The following CAMKMT variants were observed in gnomAD, a reference collection of about 807,000 sequenced individuals.
CAMKMT encodes CaM KMT.
A neutral mutation model predicts 48.0 loss-of-function variants in CAMKMT; 53 were observed. The observed-to-expected ratio is 1.10, with a 90% CI of 0.89 to 1.39. CAMKMT has a LOEUF of 1.39. CAMKMT is among the 40% of genes most tolerant of loss of function. The pLI is 0.00. For missense variants in CAMKMT, 428 were observed against 402.7 expected, an observed-to-expected ratio of 1.06 and a Z score of -0.54; for synonymous variants, 165 against 152.3, an observed-to-expected ratio of 1.08 and a Z score of -0.61.
chr2:44,559,720 A>C (rs988111624), intron 3 of CAMKMT, among the ~76,000 whole-genome samples: 8 of 152,186 alleles, frequency 5.3e-5, no homozygotes, highest in African/African-American at 1.9e-4. Flanking sequence ...GAAAGAGTCT[A>C]GCTCAATGCC....
chr2:44,575,508 T>C (rs1669167971), intron 3 of CAMKMT, among the ~76,000 whole-genome samples: 1 of 152,232 alleles, frequency 6.6e-6, no homozygotes, highest in Non-Finnish European at 1.5e-5. Context: ...TTTTTTTCTG[T>C]ATGGCTTTAC....
chr2:44,382,765 C>T (rs1005945637), intron 2 of CAMKMT, among the ~76,000 whole-genome samples: 13 of 152,224 alleles, frequency 8.5e-5, no homozygotes, highest in Non-Finnish European at 1.6e-4. Flanking sequence ...AGGCGTGAGC[C>T]ACCACGCCCG....
chr2:44,607,613 G>A (rs1227410927), intron 3 of CAMKMT, among the ~76,000 whole-genome samples: 1 of 152,098 alleles, frequency 6.6e-6, no homozygotes, highest in Non-Finnish European at 1.5e-5. Flanking sequence ...GTGAAATATG[G>A]TGTTTTATGT....
intron 3 of CAMKMT, among the ~76,000 whole-genome samples, chr2:44,391,047 G>C (rs1681287504): frequency 6.6e-6 from 1 of 152,068 alleles, no homozygotes; most frequent in South Asian, 2.1e-4. Context: ...AATGAAATAT[G>C]AGCATTTTAA....
intron 3 of CAMKMT, among the ~76,000 whole-genome samples, chr2:44,531,268 C>T (rs998186176): frequency 3.9e-5 from 6 of 151,990 alleles, no homozygotes; most frequent in South Asian, 2.1e-4. Context: ...TCTAATACAC[C>T]AGGGTCACAT....
At chr2:44,702,740 C>T (rs1461467679) in intron 3 of CAMKMT, among the ~76,000 whole-genome samples, 1 of 152,188 alleles carries the variant, frequency 6.6e-6, no homozygotes, top group African/African-American at 2.4e-5. Context: ...AGCTGTCATT[C>T]CTACCAGAAA....
intron 3 of CAMKMT, among the ~76,000 whole-genome samples, chr2:44,562,602 C>G (rs147070943): frequency 4.0e-4 from 61 of 152,258 alleles, no homozygotes; most frequent in African/African-American, 1.4e-3. Flanking sequence ...ACTCTGTCAC[C>G]TAGGCTGGAG....
At chr2:44,588,302 GA>G (rs1330895477) in intron 3 of CAMKMT, among the ~76,000 whole-genome samples, 1,681 of 62,388 alleles carry the variant, frequency 0.027, 130 homozygotes, top group East Asian at 0.2. Context: ...GTCCGGGAGG[GA>G]GGGGGGGGGT....
chr2:44,648,845 T>G (rs1333396097), intron 3 of CAMKMT, among the ~76,000 whole-genome samples: 1 of 152,114 alleles, frequency 6.6e-6, no homozygotes, highest in African/African-American at 2.4e-5. Context: ...AAATATACAA[T>G]CTAAGTAAAA....
intron 3 of CAMKMT, among the ~76,000 whole-genome samples, chr2:44,410,029 G>A (rs1216112922): frequency 6.6e-6 from 1 of 151,816 alleles, no homozygotes; most frequent in East Asian, 1.9e-4. Flanking sequence ...GTATAGAGAA[G>A]AGCTGAGAGC....
chr2:44,414,293 A>G (rs755008192), intron 3 of CAMKMT, among the ~76,000 whole-genome samples: 4 of 152,196 alleles, frequency 2.6e-5, no homozygotes, highest in Admixed American at 6.5e-5. Context: ...AAAGTTCCTG[A>G]AGATCAGGAA....
intron 3 of CAMKMT, among the ~76,000 whole-genome samples, chr2:44,482,004 T>C (rs748360643): frequency 3.3e-5 from 5 of 152,092 alleles, no homozygotes; most frequent in Non-Finnish European, 7.4e-5. Context: ...TAGTAAACTT[T>C]AATATTAGTA....
At chr2:44,712,179 T>A (rs1352162053) in intron 6 of CAMKMT, among the ~76,000 whole-genome samples, 1 of 151,716 alleles carries the variant, frequency 6.6e-6, no homozygotes, top group Non-Finnish European at 1.5e-5. Flanking sequence ...AAAAAAAACT[T>A]GAGAGATCAA....
intron 3 of CAMKMT, among the ~76,000 whole-genome samples, chr2:44,566,847 G>A (rs1243122626): frequency 6.6e-6 from 1 of 152,190 alleles, no homozygotes; most frequent in Non-Finnish European, 1.5e-5. Flanking sequence ...AAACATTTCA[G>A]TTGACACAGT....
intron 3 of CAMKMT, among the ~76,000 whole-genome samples, chr2:44,540,507 T>C (rs189459616): frequency 6.6e-6 from 1 of 152,278 alleles, no homozygotes; most frequent in East Asian, 1.9e-4. Context: ...TCCCAGCACT[T>C]TGGGAGGCCG....
intron 2 of CAMKMT, among the ~76,000 whole-genome samples, chr2:44,375,952 A>AT (rs1160408249): frequency 7.2e-5 from 11 of 151,798 alleles, no homozygotes; most frequent in African/African-American, 2.7e-4. Flanking sequence ...CACCTGGCTA[A>AT]TTTTTTTGTA....
chr2:44,667,161 C>A (rs1303016913), intron 3 of CAMKMT, among the ~76,000 whole-genome samples: 1 of 152,188 alleles, frequency 6.6e-6, no homozygotes, highest in Non-Finnish European at 1.5e-5. Context: ...ATTCAGACCA[C>A]CCATCGCTGG....
At chr2:44,374,473 ACTTAT>A (rs1679482853) in intron 2 of CAMKMT, among the ~76,000 whole-genome samples, 1 of 152,230 alleles carries the variant, frequency 6.6e-6, no homozygotes, top group African/African-American at 2.4e-5. Flanking sequence ...AAGTTCTAAA[ACTTAT>A]CTTCTGCATC....
intron 3 of CAMKMT, among the ~76,000 whole-genome samples, chr2:44,560,793 A>G (rs557925736): frequency 1.3e-5 from 2 of 152,124 alleles, no homozygotes; most frequent in Non-Finnish European, 2.9e-5. Flanking sequence ...GGATGTCTCA[A>G]AGTTACTAAT....
Sources: allele counts gnomAD v4.1 joint callset (sites outside exome capture counted in the v4.1 genomes callset), GRCh38; gene constraint gnomAD v4.1.1; transcripts MANE v1.5; gene names NCBI Gene and HGNC (gene_info 2026-07-23, HGNC 2026-07-21).